Variants in AUTS2 observed in about 807,000 individuals in gnomAD.
The protein encoded by AUTS2 is autism susceptibility gene 2 protein.
A neutral mutation model predicts 112.4 loss-of-function variants in AUTS2; 17 were observed. The observed-to-expected ratio is 0.15, with a 90% CI of 0.10 to 0.23. The LOEUF (loss-of-function observed/expected upper bound fraction) is 0.23. Among genes scored for constraint, AUTS2 ranks in the 10% least tolerant of loss-of-function variants. AUTS2 has a pLI of 1.00. For synonymous variants in AUTS2, 751 were observed against 702.7 expected (o/e 1.07, Z -1.09); for missense variants, 1,510 against 1,701.6 (o/e 0.89, Z 1.98).
intron 2 of AUTS2, among the ~76,000 whole-genome samples, chr7:69,926,134 T>A (rs1418446638): frequency 1.3e-5 from 2 of 152,242 alleles, no homozygotes; most frequent in Non-Finnish European, 2.9e-5. Flanking sequence ...AATTTTCTTC[T>A]GTAGTTGGTA....
At chr7:70,742,652 C>T (rs1430706143) in intron 6 of AUTS2, among the ~76,000 whole-genome samples, 1 of 152,102 alleles carries the variant, frequency 6.6e-6, no homozygotes, top group Non-Finnish European at 1.5e-5. Flanking sequence ...ATCCCAGCTA[C>T]TCAGGAGGGT....
At chr7:70,292,535 A>G (rs1788754658) in intron 4 of AUTS2, 2 of 152,266 alleles carry the variant, frequency 1.3e-5, no homozygotes, top group Non-Finnish European at 2.9e-5. Flanking sequence ...CATTTCATAA[A>G]GAAGAAGGGT....
chr7:70,628,897 T>C (rs1474217802), intron 5 of AUTS2, among the ~76,000 whole-genome samples: 1 of 151,192 alleles, frequency 6.6e-6, no homozygotes, highest in Non-Finnish European at 1.5e-5. Context: ...TCCCTTGGCC[T>C]GATGGAACAG....
chr7:69,954,314 C>T (rs557544332), intron 2 of AUTS2, among the ~76,000 whole-genome samples: 1 of 152,256 alleles, frequency 6.6e-6, no homozygotes, highest in African/African-American at 2.4e-5. Context: ...TAGGATCTCG[C>T]TCTGTTGCTC....
intron 3 of AUTS2, among the ~76,000 whole-genome samples, chr7:70,125,268 TGTGTGTGTGTGTGTG>T (rs1805905480): frequency 6.6e-6 from 1 of 151,832 alleles, no homozygotes; most frequent in East Asian, 1.9e-4. Flanking sequence ...TGTGTGTGTG[TGTGTGTGTGTGTGTG>T]TGTTTTTAAT....
intron 1 of AUTS2, among the ~76,000 whole-genome samples, chr7:69,764,284 G>A (rs1788321241): frequency 6.6e-6 from 1 of 152,194 alleles, no homozygotes; most frequent in Admixed American, 6.5e-5. Context: ...TGTAACATGG[G>A]CTCTTGCTAG....
chr7:70,296,680 T>G (rs965203586), intron 4 of AUTS2, among the ~76,000 whole-genome samples: 1 of 152,160 alleles, frequency 6.6e-6, no homozygotes, highest in Non-Finnish European at 1.5e-5. Context: ...TGTTTCTGAT[T>G]TTTCACCCTT....
intron 2 of AUTS2, among the ~76,000 whole-genome samples, chr7:69,951,649 G>C (rs1250275133): frequency 2.0e-5 from 3 of 152,134 alleles, no homozygotes; most frequent in Non-Finnish European, 2.9e-5. Context: ...AAATGACCAC[G>C]GGGAGCCTCA....
At chr7:70,192,324 C>G (rs550366211) in intron 4 of AUTS2, among the ~76,000 whole-genome samples, 1 of 152,124 alleles carries the variant, frequency 6.6e-6, no homozygotes, top group Non-Finnish European at 1.5e-5. Context: ...ATAAAACTTT[C>G]TAGGAAATTC....
intron 5 of AUTS2, among the ~76,000 whole-genome samples, chr7:70,657,219 C>T (rs944799484): frequency 7.3e-5 from 11 of 151,600 alleles, no homozygotes; most frequent in Non-Finnish European, 1.3e-4. Context: ...GGGGTTAACC[C>T]GCCGTCTTAA....
chr7:70,417,522 C>A (rs1795037627), intron 4 of AUTS2, among the ~76,000 whole-genome samples: 1 of 152,210 alleles, frequency 6.6e-6, no homozygotes, highest in Non-Finnish European at 1.5e-5. Flanking sequence ...CAGGCGAGAG[C>A]TTTGCAATGT....
intron 1 of AUTS2, among the ~76,000 whole-genome samples, chr7:69,888,293 G>T (rs896994904): frequency 6.6e-6 from 1 of 151,712 alleles, no homozygotes; most frequent in Non-Finnish European, 1.5e-5. Flanking sequence ...TTCTCATGTG[G>T]CTTCCACTCA....
chr7:70,520,255 C>T (rs902944488), intron 5 of AUTS2, among the ~76,000 whole-genome samples: 1 of 152,220 alleles, frequency 6.6e-6, no homozygotes, highest in African/African-American at 2.4e-5. Context: ...CACACATGAG[C>T]AAGCTTAAAG....
chr7:70,650,359 G>GCAGT, intron 5 of AUTS2, among the ~76,000 whole-genome samples: 1 of 152,326 alleles, frequency 6.6e-6, no homozygotes, highest in South Asian at 2.1e-4. Context: ...ATGGCGCCAT[G>GCAGT]CAGTACCTGA....
chr7:70,217,436 T>C (rs1371408673), intron 4 of AUTS2, among the ~76,000 whole-genome samples: 1 of 152,220 alleles, frequency 6.6e-6, no homozygotes, highest in African/African-American at 2.4e-5. Context: ...AGAAGTTTAA[T>C]AGGCACTTAG....
intron 4 of AUTS2, among the ~76,000 whole-genome samples, chr7:70,342,405 T>A (rs1269817400): frequency 2.0e-5 from 3 of 151,836 alleles, no homozygotes; most frequent in Admixed American, 2.0e-4. Flanking sequence ...TATTATCAAC[T>A]ATGCAGAAAA....
chr7:70,645,569 G>A (rs777354113), intron 5 of AUTS2, among the ~76,000 whole-genome samples: 6 of 152,174 alleles, frequency 3.9e-5, no homozygotes, highest in African/African-American at 1.2e-4. Flanking sequence ...TTTTCTGGCC[G>A]CTCTGTTCTG....
chr7:70,339,641 A>G (rs966303365), intron 4 of AUTS2, among the ~76,000 whole-genome samples: 1 of 152,228 alleles, frequency 6.6e-6, no homozygotes. Flanking sequence ...AATGATATGC[A>G]GGAGTGAGGA....
chr7:70,106,331 T>G (rs1442681576), intron 2 of AUTS2, among the ~76,000 whole-genome samples: 1 of 152,164 alleles, frequency 6.6e-6, no homozygotes, highest in Non-Finnish European at 1.5e-5. Flanking sequence ...ACTATAGCAT[T>G]AGTGCAGTTA....
Sources: allele counts gnomAD v4.1 joint callset (sites outside exome capture counted in the v4.1 genomes callset), GRCh38; gene constraint gnomAD v4.1.1; transcripts MANE v1.5; gene names NCBI Gene and HGNC (gene_info 2026-07-23, HGNC 2026-07-21).